Variants in ZFYVE1 observed in about 807,000 individuals in gnomAD.
ZFYVE1 encodes zinc finger FYVE-type containing 1, also known as zinc finger FYVE domain-containing protein 1.
ZFYVE1 carries 30 observed loss-of-function variants against 74.4 expected under a neutral mutation model. That is an observed-to-expected ratio of 0.40 (90% CI 0.30 to 0.55). ZFYVE1 has a LOEUF of 0.55. Ranked by LOEUF, ZFYVE1 falls within the 20% of genes least tolerant of loss-of-function variation. The pLI, the probability that ZFYVE1 is intolerant of heterozygous loss-of-function variation, is 0.42. For synonymous variants in ZFYVE1, 335 were observed against 385.1 expected, an observed-to-expected ratio of 0.87 and a Z score of 1.52; for missense variants, 703 against 1,011.6, an observed-to-expected ratio of 0.69 and a Z score of 4.14.
intron 8 of ZFYVE1, chr14:72,976,010 C>G (rs1893161067): frequency 3.4e-6 from 1 of 292,594 alleles, no homozygotes; most frequent in Non-Finnish European, 6.4e-6. Context: ...AGAACCTTTC[C>G]TCTCAGTTCT....
chr14:72,986,475 TAA>T (rs33940384), intron 4 of ZFYVE1, among the ~76,000 whole-genome samples: 54,692 of 139,512 alleles, frequency 0.39, 10,845 homozygotes, highest in African/African-American at 0.47. Context: ...CAGTAACTGT[TAA>T]AAAAAAAAAA....
intron 2 of ZFYVE1, among the ~76,000 whole-genome samples, chr14:73,017,770 C>T (rs1184244080): frequency 6.6e-6 from 1 of 152,190 alleles, no homozygotes; most frequent in Non-Finnish European, 1.5e-5. Context: ...GCAACAGCCT[C>T]CTAAGTGGTC....
Position 72,974,156 on chromosome 14 carries a change from C to A in ZFYVE1, c.2025G>T (p.Thr675=), listed in dbSNP as rs12931. 1 of 1,613,830 alleles carries A rather than the reference C, an allele frequency of 6.2e-7. No homozygotes were observed. The highest frequency in any genetic ancestry group is 2.2e-5 in the East Asian group (1 of 44,842). ...TEAQVDDEGG[T]LIARKVGEAV... ...CCTCGCCCACCTTCCGAGCAATGAG[C>A]GTTCCACCTTCATCGTCCACTTGTG... The change falls in exon 11 of 12, where the codon ACG becomes ACT. Residue 675 remains threonine (T), a synonymous_variant. Transcript: ENST00000556143.
chr14:72,998,022 G>A lies in ZFYVE1; in HGVS notation c.777C>T (p.Ile259=), dbSNP rs200278705. The part of the protein sequence containing the change: ...RTRLLLKVLA[I]SDLVIYRTHA... ...GAGTTCGATAGATGACGAGGTCTGA[G>A]ATGGCCAGGACCTTAAGCAGCAGCC... Residue 259 remains isoleucine (I), a synonymous_variant, in exon 3 of 12, where the codon ATC becomes ATT. Coordinates refer to ENST00000556143, the MANE Select transcript of ZFYVE1 (RefSeq NM_021260.4). 1.4e-5 allele frequency: 22 copies of A among 1,614,088 alleles called. No homozygotes were observed. The East Asian group carries it at 4.5e-4, about 33-fold the overall frequency.
At chr14:72,993,586 CT>C (rs879383918) in intron 3 of ZFYVE1, among the ~76,000 whole-genome samples, 45,153 of 151,174 alleles carry the variant, frequency 0.3, 7,097 homozygotes, top group Middle Eastern at 0.38. Flanking sequence ...GTAATCCCTA[CT>C]AGTCCAGAGG....
chr14:72,971,256 G>A, intron 11 of ZFYVE1, 142 bp from the exon 12 acceptor site: 1 of 815,096 alleles, frequency 1.2e-6, no homozygotes, highest in Non-Finnish European at 1.9e-6. Context: ...AAATGCAGAA[G>A]CCCAGGCTCT....
chr14:72,989,403 T>C (rs1893556633), intron 4 of ZFYVE1, among the ~76,000 whole-genome samples: 1 of 152,174 alleles, frequency 6.6e-6, no homozygotes, highest in Non-Finnish European at 1.5e-5. Flanking sequence ...GCAATAAAAA[T>C]TTCTAGACAC....
chr14:73,008,486 T>C (rs746037982), intron 2 of ZFYVE1, among the ~76,000 whole-genome samples: 8 of 152,156 alleles, frequency 5.3e-5, no homozygotes, highest in Non-Finnish European at 1.2e-4. Context: ...GCAGAGATGG[T>C]CCACAAAAAT....
chr14:72,969,911 GCC>G lies in ZFYVE1; in HGVS notation c.*969_*970del. On this transcript the variant is annotated 3_prime_UTR_variant, in exon 12 of 12. Transcript: ENST00000556143. ...TTTCCCTGGAAGGTTTCTCATGATC[GCC>G]CCTCCGAGAGCTAGAGGGGTTGTGT... 1.7e-6 allele frequency: 1 copy of G among 602,632 alleles called. No individual in the cohort carries two copies. The highest frequency in any genetic ancestry group is 2.9e-6 in the Non-Finnish European group (1 of 341,216). The allele number at this position is 602,632 out of a possible 1,614,324, so 37.3% of individuals were successfully genotyped here.
intron 2 of ZFYVE1, among the ~76,000 whole-genome samples, chr14:72,999,698 G>A (rs1893828613): frequency 6.6e-6 from 1 of 152,242 alleles, no homozygotes; most frequent in Admixed American, 6.5e-5. Context: ...ACAAGGCTGA[G>A]GCAAGAGGAT....
chr14:72,997,318 C>T (rs530770940), intron 3 of ZFYVE1, among the ~76,000 whole-genome samples: 2 of 152,330 alleles, frequency 1.3e-5, no homozygotes, highest in Admixed American at 6.5e-5. Flanking sequence ...TTCTTCTTTG[C>T]TTTACAGAAC....
intron 2 of ZFYVE1, among the ~76,000 whole-genome samples, chr14:73,002,654 G>A (rs1893896452): frequency 6.6e-6 from 1 of 151,900 alleles, no homozygotes; most frequent in African/African-American, 2.4e-5. Context: ...CTGATTCAAA[G>A]AGCTTATGGC....
chr14:73,015,441 A>G (rs1053648363), intron 2 of ZFYVE1, among the ~76,000 whole-genome samples: 1 of 147,844 alleles, frequency 6.8e-6, no homozygotes, highest in South Asian at 2.2e-4. Context: ...AGAAAGAAAG[A>G]AAGGAAGGGA....
chr14:73,019,154 C>T (rs534682037), intron 2 of ZFYVE1, among the ~76,000 whole-genome samples: 1 of 152,274 alleles, frequency 6.6e-6, no homozygotes, highest in Admixed American at 6.5e-5. Flanking sequence ...TTAAAGGAAG[C>T]TTTTAGTCCT....
At chr14:72,998,632 T>C (rs1246484932) in intron 2 of ZFYVE1, among the ~76,000 whole-genome samples, 2 of 152,160 alleles carry the variant, frequency 1.3e-5, no homozygotes, top group African/African-American at 4.8e-5. Context: ...TTAACCTTTG[T>C]GACTTTGGAT....
intron 2 of ZFYVE1, among the ~76,000 whole-genome samples, chr14:73,009,937 A>G (rs531352528): frequency 7.2e-5 from 11 of 151,982 alleles, no homozygotes; most frequent in African/African-American, 2.7e-4. Context: ...ATGAGACCTC[A>G]TCTCTACAAA....
At position 73,024,189 on chromosome 14, in the gene ZFYVE1, G is replaced by A; in HGVS notation, c.320C>T (p.Thr107Ile). 6.2e-7 allele frequency: 1 copy of A among 1,614,116 alleles called. No homozygotes were observed. The highest frequency in any genetic ancestry group is 8.5e-7 in the Non-Finnish European group (1 of 1,180,034). The change falls in exon 2 of 12, where the codon ACT (threonine) becomes ATT (isoleucine). Residue 107 changes from threonine to isoleucine, a missense_variant. Physicochemically the swap from Thr to Ile is moderately conservative, Grantham distance 89. Around this residue, in one of 2 missense-constraint regions of ZFYVE1, gnomAD observed 211 missense variants for 221.7 expected, o/e 0.95. Coordinates refer to ENST00000556143, the MANE Select transcript of ZFYVE1 (RefSeq NM_021260.4). The part of the protein sequence containing the change: ...INLCLECQKR[T>I]HSGGNKRRHP... The stretch of plus-strand genomic sequence containing the variant: ...TCTCCTTTTGTTACCCCCAGAATGA[G>A]TCCTCTTCTGGCACTCCAGGCACAA...
intron 5 of ZFYVE1, among the ~76,000 whole-genome samples, chr14:72,980,371 C>T (rs1010747520): frequency 2.0e-5 from 3 of 152,076 alleles, no homozygotes; most frequent in African/African-American, 4.8e-5. Flanking sequence ...GGATTGTCTA[C>T]AGGACATGGA....
chr14:72,990,670 G>A (rs1420764982), intron 4 of ZFYVE1, among the ~76,000 whole-genome samples: 11 of 144,694 alleles, frequency 7.6e-5, no homozygotes, highest in Admixed American at 6.5e-4. Context: ...AATTAAGGGC[G>A]TGAGCCACCG....
Sources: gnomAD v4.1 joint callset for allele counts (sites outside exome capture counted in the v4.1 genomes callset) on GRCh38, gnomAD v4.1.1 for gene constraint, gnomAD v4.1.1 regional missense constraint, MANE v1.5 for transcripts, NCBI Gene and HGNC (gene_info 2026-07-23, HGNC 2026-07-21) for gene names.